Variants in KCNIP4 observed in about 807,000 individuals in gnomAD.
KCNIP4 encodes the protein Kv channel-interacting protein 4.
KCNIP4 carries 12 observed loss-of-function variants against 34.0 expected under a neutral mutation model. The ratio of observed to expected loss-of-function variants is 0.35; its 90% CI spans 0.23 to 0.57. The LOEUF (loss-of-function observed/expected upper bound fraction) is 0.57, where lower values mean the gene tolerates loss of function less well. Ranked by LOEUF, KCNIP4 falls within the 20% of genes least tolerant of loss-of-function variation. The pLI is 0.83. For missense variants in KCNIP4, 238 were observed against 311.7 expected (o/e 0.76, Z 1.78); for synonymous variants, 124 against 102.2 (o/e 1.21, Z -1.29).
In KCNIP4 at chr4:21,425,571, T is replaced by C. The variant is rs533705474; in HGVS notation, c.61+523000A>G. Among the ~76,000 whole-genome samples the C allele has an allele frequency of 7.2e-5, 11 of 152,336 alleles. No homozygotes were observed. In the South Asian group the frequency reaches 2.3e-3, roughly 32 times the overall value. On this transcript the variant is annotated intron_variant, in intron 1 of 8. Transcript: ENST00000382152. Reference sequence around the variant, plus strand: ...AATGAATATGCAAATTTTTGGAAGATATTTTGTATATTCAAATTACATATT... The same window carrying C: ...AATGAATATGCAAATTTTTGGAAGACATTTTGTATATTCAAATTACATATT...
At chr4:20,875,542 A>T (rs1195554143) in intron 2 of KCNIP4, among the ~76,000 whole-genome samples, 1 of 152,230 alleles carries the variant, frequency 6.6e-6, no homozygotes, top group Non-Finnish European at 1.5e-5. Flanking sequence ...TTAGGGCTTA[A>T]AATGAAATTG....
rs1578067856 is a variant in KCNIP4, at chr4:21,316,218, T to C, written c.62-433509A>G. The C allele has an allele frequency of 2.0e-5, 3 of 152,348 alleles. No individual in the cohort carries two copies. In the East Asian group the frequency reaches 5.8e-4, roughly 29 times the overall value. The allele number at this position is 152,348 out of a possible 1,614,324, so 9.4% of individuals were successfully genotyped here. On this transcript the variant is annotated intron_variant, in intron 1 of 8. Coordinates refer to ENST00000382152, the MANE Select transcript of KCNIP4 (RefSeq NM_025221.6). ...TTTATGAGCAGGTTGACATACTATG[T>C]CCTGTACAAAACTATGAATCCTGGG... is the stretch of plus-strand genomic sequence containing the variant.
intron 1 of KCNIP4, among the ~76,000 whole-genome samples, chr4:21,239,072 A>G (rs924562698): frequency 4.6e-5 from 7 of 152,182 alleles, no homozygotes; most frequent in Non-Finnish European, 7.4e-5. Context: ...ATAATGCTGC[A>G]TATCTACAAC....
chr4:21,571,934 C>A (rs1740397036), intron 1 of KCNIP4, among the ~76,000 whole-genome samples: 1 of 152,066 alleles, frequency 6.6e-6, no homozygotes, highest in African/African-American at 2.4e-5. Context: ...ATGTATGGCA[C>A]ACTATTTCAT....
intron 1 of KCNIP4, among the ~76,000 whole-genome samples, chr4:21,103,560 T>G (rs1469388517): frequency 2.0e-5 from 3 of 151,152 alleles, no homozygotes; most frequent in African/African-American, 7.3e-5. Context: ...GTAGCGAAGT[T>G]TTTGGAGCAT....
intron 1 of KCNIP4, among the ~76,000 whole-genome samples, chr4:21,118,956 T>A (rs150099837): frequency 6.6e-6 from 1 of 152,298 alleles, no homozygotes; most frequent in African/African-American, 2.4e-5. Context: ...TCAGTCACCA[T>A]TATGTTTGAA....
chr4:21,515,465 C>T (rs754436635), intron 1 of KCNIP4, among the ~76,000 whole-genome samples: 5 of 152,010 alleles, frequency 3.3e-5, no homozygotes, highest in South Asian at 2.1e-4. Context: ...GGCGAAACCC[C>T]GTCTCTACTA....
At chr4:21,307,891 A>G (rs1478497307) in intron 1 of KCNIP4, among the ~76,000 whole-genome samples, 1 of 152,222 alleles carries the variant, frequency 6.6e-6, no homozygotes, top group Non-Finnish European at 1.5e-5. Flanking sequence ...GCCCACGTGA[A>G]CAATGAAAGC....
At chr4:21,604,377 T>C (rs1743467232) in intron 1 of KCNIP4, among the ~76,000 whole-genome samples, 1 of 152,186 alleles carries the variant, frequency 6.6e-6, no homozygotes, top group Non-Finnish European at 1.5e-5. Context: ...GGAATTTAAG[T>C]AATCTGACCA....
intron 1 of KCNIP4, chr4:21,697,842 A>C (rs1712514927): frequency 5.3e-6 from 1 of 188,570 alleles, no homozygotes; most frequent in African/African-American, 2.4e-5. Context: ...ATCAGCATGT[A>C]AGCAGGTGAG....
At chr4:21,562,707 C>T (rs996213374) in intron 1 of KCNIP4, among the ~76,000 whole-genome samples, 3 of 151,940 alleles carry the variant, frequency 2.0e-5, no homozygotes, top group Non-Finnish European at 1.5e-5. Context: ...ACAACAAAAG[C>T]AAACCTCTCT....
chr4:21,622,164 G>C (rs1302151744), intron 1 of KCNIP4, among the ~76,000 whole-genome samples: 2 of 152,268 alleles, frequency 1.3e-5, no homozygotes, highest in East Asian at 1.9e-4. Context: ...ACTGTCACCA[G>C]GTAGCAACTA....
chr4:20,943,005 T>C lies in KCNIP4; in HGVS notation c.62-60296A>G, dbSNP rs571165181. ...TTCATTCTAAGGAGCTTATGTACTT[T>C]TCCTTGAGGTTGTTGACTTCAACCA... On this transcript the variant is annotated intron_variant, in intron 1 of 8. Coordinates refer to ENST00000382152, the MANE Select transcript of KCNIP4 (RefSeq NM_025221.6). Among the ~76,000 whole-genome samples, 6 of 152,332 alleles carry C rather than the reference T, an allele frequency of 3.9e-5. No individual in the cohort carries two copies. The East Asian group carries it at 1.2e-3, about 29-fold the overall frequency.
intron 1 of KCNIP4, among the ~76,000 whole-genome samples, chr4:21,807,640 C>T (rs1267579128): frequency 6.6e-6 from 1 of 152,118 alleles, no homozygotes; most frequent in Non-Finnish European, 1.5e-5. Context: ...GAGAACATTC[C>T]ACAATGTGTC....
chr4:21,460,794 A>T (rs1373921754), intron 1 of KCNIP4, among the ~76,000 whole-genome samples: 1 of 151,904 alleles, frequency 6.6e-6, no homozygotes, highest in Non-Finnish European at 1.5e-5. Flanking sequence ...CTCCTGGGGG[A>T]GGTCTGGGCA....
intron 1 of KCNIP4, among the ~76,000 whole-genome samples, chr4:21,757,583 T>C (rs140375444): frequency 1.3e-5 from 2 of 152,322 alleles, no homozygotes; most frequent in Non-Finnish European, 2.9e-5. Context: ...GTCTTCACCA[T>C]TTATTACAGA....
chr4:20,950,453 G>GC (rs1056221922), intron 1 of KCNIP4, among the ~76,000 whole-genome samples: 3 of 152,038 alleles, frequency 2.0e-5, no homozygotes, highest in Non-Finnish European at 4.4e-5. Context: ...AGCCTGAGTT[G>GC]CTTTTAATCC....
At chr4:21,804,190 T>G (rs752691894) in intron 1 of KCNIP4, among the ~76,000 whole-genome samples, 3 of 152,232 alleles carry the variant, frequency 2.0e-5, no homozygotes, top group Non-Finnish European at 4.4e-5. Flanking sequence ...TAGTTTTCAT[T>G]TAGAAGGCAA....
At chr4:20,871,712 A>G (rs1187418206) in intron 2 of KCNIP4, among the ~76,000 whole-genome samples, 1 of 152,130 alleles carries the variant, frequency 6.6e-6, no homozygotes, top group Non-Finnish European at 1.5e-5. Context: ...CATATTCTTC[A>G]TGTCTTCAAA....
Sources: gnomAD v4.1 joint callset for allele counts (sites outside exome capture counted in the v4.1 genomes callset) on GRCh38, gnomAD v4.1.1 for gene constraint, MANE v1.5 for transcripts, NCBI Gene and HGNC (gene_info 2026-07-23, HGNC 2026-07-21) for gene names.